Variants in NBAS observed in about 807,000 individuals in gnomAD.
NBAS encodes NAG/BC035112 fusion.
NBAS carries 219 observed loss-of-function variants against 302.5 expected under a neutral mutation model. That is an observed-to-expected ratio of 0.72 (90% confidence interval 0.65 to 0.81). The LOEUF (loss-of-function observed/expected upper bound fraction) is 0.81. Among genes scored for constraint, NBAS ranks in the 30% least tolerant of loss-of-function variants. The probability of loss-of-function intolerance (pLI) is 0.00; values close to 1 mark genes in which losing one functional copy is unlikely to be tolerated. For missense variants in NBAS, 2,932 were observed against 2,841.6 expected (o/e 1.03, Z -0.72); for synonymous variants, 1,118 against 1,021.6 (o/e 1.09, Z -1.80).
chr2:15,133,357 C>T, the NBAS span, among the ~76,000 whole-genome samples: 1 of 152,108 alleles, frequency 6.6e-6, no homozygotes, highest in African/African-American at 2.4e-5. Flanking sequence ...AGAAAGGCTT[C>T]CTGCAGCAAG....
intron 50 of NBAS, 131 bp from the exon 51 acceptor site, chr2:15,179,247 G>A (rs930630225): frequency 1.8e-5 from 25 of 1,351,404 alleles, no homozygotes; most frequent in African/African-American, 5.8e-5. Flanking sequence ...ATATGGTACC[G>A]CACTGGATAT....
At chr2:15,359,320 T>C (rs1272641385) in intron 32 of NBAS, among the ~76,000 whole-genome samples, 1 of 152,212 alleles carries the variant, frequency 6.6e-6, no homozygotes, top group Non-Finnish European at 1.5e-5. Flanking sequence ...GAAGAAAAAG[T>C]TTTTGTCCCA....
chr2:15,378,556 C>T (rs1183945808), intron 30 of NBAS, among the ~76,000 whole-genome samples: 1 of 152,182 alleles, frequency 6.6e-6, no homozygotes, highest in Non-Finnish European at 1.5e-5. Context: ...TAACAAACAT[C>T]ATAGCTTAGT....
intron 18 of NBAS, 52 bp downstream of exon 18, chr2:15,467,612 A>G: frequency 6.5e-7 from 1 of 1,541,226 alleles, no homozygotes; most frequent in Admixed American, 1.7e-5. Flanking sequence ...ACACACTGAA[A>G]TGATTAGTTA....
the NBAS span, among the ~76,000 whole-genome samples, chr2:14,815,074 C>T: frequency 6.6e-6 from 1 of 152,076 alleles, no homozygotes; most frequent in South Asian, 2.1e-4. Context: ...CTGAGGCCTC[C>T]CAATCATGCT....
intron 9 of NBAS, among the ~76,000 whole-genome samples, chr2:15,529,435 G>T (rs1172590524): frequency 1.3e-5 from 2 of 152,106 alleles, no homozygotes; most frequent in Non-Finnish European, 2.9e-5. Context: ...CGAGGCTGCA[G>T]TAAGCCAAAA....
chr2:15,232,368 T>A, intron 47 of NBAS, 54 bp downstream of exon 47: 2 of 1,529,154 alleles, frequency 1.3e-6, no homozygotes, highest in South Asian at 2.3e-5. Context: ...AGAGCAATTC[T>A]AATACTCTGA....
rs542336098 is a variant in NBAS at position 15,258,915 on chromosome 2, C to T, written c.5724+16569G>A. On this transcript the variant is annotated intron_variant, in intron 44 of 51. Transcript: ENST00000281513. ...CCTTAATAAAAACCTGCTGGTTTTG[C>T]GGCTCAGATGGGCATCAAGGACCTA... Among the ~76,000 whole-genome samples the T allele has an allele frequency of 4.4e-4, 67 of 152,226 alleles. No individual in the cohort carries two copies. The Middle Eastern group carries it at 0.01, about 23-fold the overall frequency.
intron 44 of NBAS, among the ~76,000 whole-genome samples, chr2:15,257,140 T>C (rs1668634801): frequency 6.6e-6 from 1 of 152,228 alleles, no homozygotes; most frequent in South Asian, 2.1e-4. Context: ...ATTATTTGAA[T>C]GCCTGATAAA....
chr2:15,015,420 C>T, the NBAS span, among the ~76,000 whole-genome samples: 4 of 152,076 alleles, frequency 2.6e-5, no homozygotes, highest in Admixed American at 6.6e-5. Flanking sequence ...TCCAACAATA[C>T]ATTAAAAGGT....
intron 35 of NBAS, among the ~76,000 whole-genome samples, chr2:15,341,178 G>A (rs1672832455): frequency 6.6e-6 from 1 of 152,104 alleles, no homozygotes. Flanking sequence ...TTGAGGCCAA[G>A]AGTTCAAGAC....
intron 35 of NBAS, among the ~76,000 whole-genome samples, chr2:15,337,866 C>T (rs893190034): frequency 2.6e-5 from 4 of 152,222 alleles, no homozygotes; most frequent in Middle Eastern, 3.4e-3. Flanking sequence ...AACTTACCCC[C>T]GAAATGATTA....
chr2:15,443,859 A>G (rs1408207016), intron 21 of NBAS, among the ~76,000 whole-genome samples: 2 of 152,162 alleles, frequency 1.3e-5, no homozygotes, highest in Non-Finnish European at 2.9e-5. Flanking sequence ...TACACCAATA[A>G]CAGACAAACA....
chr2:15,460,291 T>C (rs1396963674), intron 21 of NBAS, among the ~76,000 whole-genome samples: 5 of 152,176 alleles, frequency 3.3e-5, no homozygotes, highest in Admixed American at 6.5e-5. Flanking sequence ...ACTAAAAATA[T>C]GCAAAGTGAG....
At chr2:15,443,842 C>CT (rs1678578182) in intron 21 of NBAS, among the ~76,000 whole-genome samples, 1 of 151,626 alleles carries the variant, frequency 6.6e-6, no homozygotes, top group South Asian at 2.1e-4. Context: ...AATCACAAGC[C>CT]TTCTTATACA....
intron 6 of NBAS, among the ~76,000 whole-genome samples, chr2:15,549,289 A>C (rs1257164810): frequency 1.3e-5 from 2 of 152,166 alleles, no homozygotes; most frequent in Non-Finnish European, 2.9e-5. Flanking sequence ...TTTAATGATC[A>C]ATTTGCCAAG....
the NBAS span, among the ~76,000 whole-genome samples, chr2:15,103,613 C>T: frequency 2.6e-5 from 4 of 152,142 alleles, no homozygotes; most frequent in Non-Finnish European, 5.9e-5. Flanking sequence ...AGATGCTTGG[C>T]ACAGGGAAGC....
At chr2:15,379,497 A>G in intron 30 of NBAS, 105 bp downstream of exon 30, 3 of 1,163,260 alleles carry the variant, frequency 2.6e-6, no homozygotes, top group South Asian at 2.6e-5. Context: ...AGTGTAGTCA[A>G]TCTGTACCTG....
At chr2:14,880,357 A>C in the NBAS span, among the ~76,000 whole-genome samples, 5 of 152,138 alleles carry the variant, frequency 3.3e-5, no homozygotes, top group Non-Finnish European at 7.4e-5. Flanking sequence ...TTTCAGCTTT[A>C]AATGTTCTAT....
Sources: allele counts gnomAD v4.1 joint callset (sites outside exome capture counted in the v4.1 genomes callset), GRCh38; gene constraint gnomAD v4.1.1; transcripts MANE v1.5; gene names NCBI Gene and HGNC (gene_info 2026-07-23, HGNC 2026-07-21).